The following MID1 variants were observed in gnomAD, a reference collection of about 807,000 sequenced individuals.
MID1 encodes midline 1, also known as E3 ubiquitin-protein ligase Midline-1.
MID1 carries 7 observed loss-of-function variants against 40.4 expected under a neutral mutation model. The observed-to-expected ratio is 0.17, with a 90% CI of 0.10 to 0.33. MID1 has a LOEUF of 0.33. MID1 is among the 10% of genes least tolerant of loss of function. The pLI, the probability that MID1 is intolerant of heterozygous loss-of-function variation, is 1.00. For missense variants in MID1, 367 were observed against 558.5 expected (o/e 0.66, Z 3.46); for synonymous variants, 229 against 221.2 (o/e 1.04, Z -0.31).
chrX:10,469,700 C>T lies in MID1; in HGVS notation c.1282G>A (p.Val428Ile), dbSNP rs1280989248. 1.8e-5 allele frequency: 22 copies of T among 1,211,588 alleles called. No homozygotes were observed. The highest frequency in any genetic ancestry group is 2.3e-5 in the Non-Finnish European group (21 of 895,366). Reference sequence around the variant, plus strand: ...AAATAGGCCATGAGATACTCACTAACGACGTTGGCTTGTCCGGTGAATATG... The same window carrying T: ...AAATAGGCCATGAGATACTCACTAATGACGTTGGCTTGTCCGGTGAATATG... ...YTIFTGQANV[V>I]SLCNSADSWM... Residue 428 changes from valine (V) to isoleucine (I), a missense_variant, in exon 7 of 10, where the codon GTT (valine) becomes ATT (isoleucine). Val to Ile is a conservative substitution (Grantham distance 29). Around this residue, in one of 3 missense-constraint regions of MID1, gnomAD observed 275 missense variants for 383.1 expected, o/e 0.72. Transcript: ENST00000317552.
At chrX:10,636,373 T>C (rs1181215086) in intron 1 of MID1, among the ~76,000 whole-genome samples, 3 of 111,558 alleles carry the variant, frequency 2.7e-5, no homozygotes, top group Non-Finnish European at 5.6e-5. Context: ...AGTTTTTTTC[T>C]TCTTTCAGCT....
At chrX:10,622,966 C>T (rs775750544), upstream of MID1, among the ~76,000 whole-genome samples, 4 of 108,530 alleles carry the variant, frequency 3.7e-5, no homozygotes, top group African/African-American at 6.7e-5. Context: ...CAGTGAGGCC[C>T]GGTGAGGTGG....
intron 2 of MID1, among the ~76,000 whole-genome samples, chrX:10,547,889 T>C (rs35027532): frequency 0.081 from 8,883 of 110,321 alleles, 365 homozygotes; most frequent in Middle Eastern, 0.15. Context: ...TTAAGGTTGG[T>C]AGGACCGCAA....
At chrX:10,714,032 C>T (rs1372262463) in intron 1 of MID1, among the ~76,000 whole-genome samples, 2 of 111,839 alleles carry the variant, frequency 1.8e-5, no homozygotes, top group African/African-American at 6.5e-5. Flanking sequence ...AAGCAAATGT[C>T]CTGTTTCCAG....
intron 1 of MID1, among the ~76,000 whole-genome samples, chrX:10,829,394 G>A (rs2044237731): frequency 8.9e-6 from 1 of 112,010 alleles, no homozygotes; most frequent in African/African-American, 3.2e-5. Context: ...TCACAAGAGA[G>A]TGTGAGTATA....
intron 1 of MID1, among the ~76,000 whole-genome samples, chrX:10,669,230 TAAAA>T (rs761817483): frequency 0.023 from 1,098 of 46,948 alleles, 12 homozygotes; most frequent in African/African-American, 0.07. Context: ...CGTCTCAAAA[TAAAA>T]AAAAAAAAAA....
At chrX:10,822,195 C>A (rs1410016248) in intron 1 of MID1, among the ~76,000 whole-genome samples, 1 of 111,368 alleles carries the variant, frequency 9.0e-6, no homozygotes, top group Non-Finnish European at 1.9e-5. Flanking sequence ...CACACACCTG[C>A]AATCATCTGA....
intron 1 of MID1, among the ~76,000 whole-genome samples, chrX:10,823,433 A>G (rs987418510): frequency 1.8e-5 from 2 of 111,476 alleles, no homozygotes; most frequent in African/African-American, 6.5e-5. Context: ...ATGTTTACCT[A>G]TGTAACAAAT....
intron 4 of MID1, among the ~76,000 whole-genome samples, chrX:10,493,492 A>C (rs1404534010): frequency 8.9e-6 from 1 of 112,274 alleles, no homozygotes; most frequent in Non-Finnish European, 1.9e-5. Flanking sequence ...AGTTTAAGGT[A>C]ATTTGTTATT....
intron 1 of MID1, among the ~76,000 whole-genome samples, chrX:10,573,712 T>C (rs1306599005): frequency 8.9e-6 from 1 of 112,421 alleles, no homozygotes; most frequent in Non-Finnish European, 1.9e-5. Flanking sequence ...TGATGGTCTA[T>C]GGTTCCTTTG....
chrX:10,716,776 G>A (rs1372038082), intron 1 of MID1, among the ~76,000 whole-genome samples: 2 of 111,624 alleles, frequency 1.8e-5, no homozygotes, highest in African/African-American at 3.3e-5. Flanking sequence ...AGGAAAAAAC[G>A]TTAAGGGCAG....
At chrX:10,801,716 T>G (rs1602585987) in intron 1 of MID1, among the ~76,000 whole-genome samples, 1 of 111,907 alleles carries the variant, frequency 8.9e-6, no homozygotes, top group African/African-American at 3.2e-5. Context: ...GAATAAAGAT[T>G]TAAATGTAAG....
chrX:10,673,317 T>G (rs2043001045), intron 1 of MID1, among the ~76,000 whole-genome samples: 1 of 111,490 alleles, frequency 9.0e-6, no homozygotes, highest in Non-Finnish European at 1.9e-5. Context: ...CAAGCAGATC[T>G]CTATACAAAC....
At chrX:10,460,256 G>C (rs1477196699) in intron 7 of MID1, among the ~76,000 whole-genome samples, 2 of 111,618 alleles carry the variant, frequency 1.8e-5, no homozygotes, top group African/African-American at 6.5e-5. Context: ...GGATGAGACA[G>C]GGAACAGCTT....
intron 3 of MID1, among the ~76,000 whole-genome samples, chrX:10,508,769 G>T (rs1296075264): frequency 1.8e-5 from 2 of 111,717 alleles, no homozygotes; most frequent in Non-Finnish European, 3.8e-5. Context: ...ATCTTGAATT[G>T]GTTATCTGGG....
intron 1 of MID1, among the ~76,000 whole-genome samples, chrX:10,705,410 A>G (rs2043223753): frequency 1.8e-5 from 2 of 111,990 alleles, no homozygotes; most frequent in Admixed American, 9.5e-5. Context: ...AAAAGGCTAC[A>G]TCATCTTGAG....
intron 3 of MID1, among the ~76,000 whole-genome samples, chrX:10,502,998 C>T (rs1931635545): frequency 8.9e-6 from 1 of 111,854 alleles, no homozygotes; most frequent in Non-Finnish European, 1.9e-5. Context: ...TTCCAATTTG[C>T]CCAAGGCTGA....
intron 1 of MID1, among the ~76,000 whole-genome samples, chrX:10,808,955 C>T (rs936056451): frequency 1.6e-4 from 18 of 111,628 alleles, no homozygotes; most frequent in African/African-American, 5.5e-4. Flanking sequence ...AGAGCTTCCG[C>T]ACAGCAAAAG....
chrX:10,757,709 T>G (rs1410693337), intron 1 of MID1, among the ~76,000 whole-genome samples: 1 of 111,850 alleles, frequency 8.9e-6, no homozygotes, highest in Non-Finnish European at 1.9e-5. Context: ...GATGTTCTTT[T>G]TCTTGGGTTT....
Sources: allele counts gnomAD v4.1 joint callset (sites outside exome capture counted in the v4.1 genomes callset), GRCh38; gene constraint gnomAD v4.1.1; regional missense constraint gnomAD v4.1.1; transcripts MANE v1.5; gene names NCBI Gene and HGNC (gene_info 2026-07-23, HGNC 2026-07-21).